ZNF599: variants seen among roughly 807,000 people sequenced by gnomAD.
ZNF599 encodes zinc finger protein 599.
ZNF599 carries 10 observed loss-of-function variants against 11.7 expected under a neutral mutation model. The observed-to-expected ratio is 0.86, with a 90% CI of 0.53 to 1.45. The LOEUF (loss-of-function observed/expected upper bound fraction) is 1.45, where lower values mean the gene tolerates loss of function less well. Among genes scored for constraint, ZNF599 ranks in the 40% most tolerant of loss-of-function variants. ZNF599 has a pLI of 0.00. For synonymous variants in ZNF599, 232 were observed against 253.2 expected (o/e 0.92, Z 0.79); for missense variants, 688 against 713.6 (o/e 0.96, Z 0.41).
At chr19:34,772,628 A>C in intron 1 of ZNF599, 196 bp downstream of exon 1, 1 of 1,376,262 alleles carries the variant, frequency 7.3e-7, no homozygotes, top group Non-Finnish European at 9.3e-7. Context: ...CTCTCCTTAC[A>C]ACTCCTGTCC....
chr19:34,778,918 A>AAAACATAC, the ZNF599 span, among the ~76,000 whole-genome samples: 688 of 152,358 alleles, frequency 4.5e-3, 5 homozygotes, highest in Non-Finnish European at 6.6e-3. Flanking sequence ...GGGTGGCAAA[A>AAAACATAC]AAACATACAA....
At chr19:34,761,352 A>C (rs1431024936) in intron 3 of ZNF599, among the ~76,000 whole-genome samples, 1 of 152,262 alleles carries the variant, frequency 6.6e-6, no homozygotes, top group East Asian at 1.9e-4. Context: ...GAGATTAATC[A>C]ATATAAAGTT....
chr19:34,779,432 A>C, the ZNF599 span: 1 of 455,728 alleles, frequency 2.2e-6, no homozygotes, highest in Non-Finnish European at 4.4e-6. Flanking sequence ...TACACTCATG[A>C]AAACTTTCAT....
rs985922997 is a variant in ZNF599 at position 34,760,634 on chromosome 19, G to A, written c.242-75C>T. 5 of 1,316,496 alleles carry A rather than the reference G, an allele frequency of 3.8e-6. No homozygotes were observed. In the Admixed American group the frequency reaches 1.3e-4, roughly 35 times the overall value. 81.6% of individuals were successfully genotyped at this position (1,316,496 alleles called of 1,614,324 possible). A position where few individuals can be genotyped will look rare whatever the true frequency, so the allele number is the denominator to read the frequency against. On this transcript the variant is annotated intron_variant, in intron 3 of 3. Transcript: ENST00000329285. ...AACAAACAAAATCACCACTTTAGCA[G>A]AAGAATGAAGGTGAAAACAGTGTCT...
At chr19:34,761,051 G>A (rs1422434488) in intron 3 of ZNF599, among the ~76,000 whole-genome samples, 3 of 152,078 alleles carry the variant, frequency 2.0e-5, no homozygotes, top group African/African-American at 4.8e-5. Flanking sequence ...GGGAAACTTC[G>A]GCAGATGAAA....
the ZNF599 span, among the ~76,000 whole-genome samples, chr19:34,781,487 A>G: frequency 3.9e-5 from 6 of 152,190 alleles, no homozygotes; most frequent in Non-Finnish European, 7.4e-5. Flanking sequence ...GTGGGAGAGA[A>G]CAGCCCCATC....
At chr19:34,804,689 T>C in the ZNF599 span, among the ~76,000 whole-genome samples, 10 of 152,200 alleles carry the variant, frequency 6.6e-5, no homozygotes, top group African/African-American at 2.2e-4. Flanking sequence ...AAAACTCCCA[T>C]ATACCCACTG....
chr19:34,758,710 G>C lies in ZNF599; in HGVS notation c.*324C>G, dbSNP rs1239407756. ...AAAATATGCTTGAGATGGATTTATA[G>C]TATTAATAAGAGGAAAGTTGTTCCT... On this transcript the variant is annotated 3_prime_UTR_variant, in exon 4 of 4. Coordinates refer to ENST00000329285, the MANE Select transcript of ZNF599 (RefSeq NM_001007248.3). The C allele has an allele frequency of 1.4e-5, 3 of 214,312 alleles. No individual in the cohort carries two copies. Among genetic ancestry groups the C allele is most frequent in the Admixed American group, 5.2e-5 (1 of 19,150 alleles). The allele number at this position is 214,312 out of a possible 1,614,324, so 13.3% of individuals were successfully genotyped here.
At chr19:34,781,238 G>GAGAA in the ZNF599 span, among the ~76,000 whole-genome samples, 2 of 151,482 alleles carry the variant, frequency 1.3e-5, no homozygotes, top group African/African-American at 2.4e-5. Flanking sequence ...AAGAAATAAA[G>GAGAA]AGAAAGAAAG....
In ZNF599 at chr19:34,767,216, C is replaced by T. The variant is rs1053240115; in HGVS notation, c.241+100G>A. On this transcript the variant is annotated intron_variant, in intron 3 of 3. Transcript: ENST00000329285. ...TGGGGTCAAGGGCTCCATGACTGCT[C>T]AAGACCACAAAATAGCTGCCCATGG... 9 of 895,066 alleles carry T rather than the reference C, an allele frequency of 1.0e-5. No individual in the cohort carries two copies. In the African/African-American group the frequency reaches 1.5e-4, roughly 15 times the overall value. The allele number at this position is 895,066 out of a possible 1,614,324, so 55.4% of individuals were successfully genotyped here.
chr19:34,805,747 C>T, the ZNF599 span, among the ~76,000 whole-genome samples: 1 of 152,166 alleles, frequency 6.6e-6, no homozygotes, highest in African/African-American at 2.4e-5. Flanking sequence ...TTGCTCCCAT[C>T]AACTCCAGAA....
Position 34,759,410 on chromosome 19 carries a change from G to C in ZNF599, c.1391C>G (p.Ser464Cys), listed in dbSNP as rs371238730. Residue 464 changes from serine to cysteine, a missense_variant, in exon 4 of 4, where the codon TCT becomes TGT. By Grantham distance (112) the Ser-to-Cys change is moderately radical. Coordinates refer to ENST00000329285, the MANE Select transcript of ZNF599 (RefSeq NM_001007248.3). Reference sequence around the variant, plus strand: ...GGTCCTATTATGTCGAATAAAAACAGAGTGGTGTGTAAAAGCCTTTCCACA... The same window carrying C: ...GGTCCTATTATGTCGAATAAAAACACAGTGGTGTGTAAAAGCCTTTCCACA... ...SECGKAFTHHSVFIRHNRTHS... is the reference protein window; with the variant it reads ...SECGKAFTHHCVFIRHNRTHS... The C allele has an allele frequency of 5.6e-6, 9 of 1,614,124 alleles. No homozygotes were observed. The highest frequency in any genetic ancestry group is 2.2e-5 in the East Asian group (1 of 44,882).
rs115997516 is a variant in ZNF599, at chr19:34,765,961, A to G, written c.241+1355T>C. Among the ~76,000 whole-genome samples, 1,464 of 152,286 alleles carry G rather than the reference A, an allele frequency of 9.6e-3. 14 individuals carry two copies. Among genetic ancestry groups the G allele is most frequent in the African/African-American group, 0.03 (1,228 of 41,556 alleles). ...AGACATGAGTGATGTGAAATGGTCA[A>G]GATTCGGGGATGGCTGGATATTGGG... On this transcript the variant is annotated intron_variant, in intron 3 of 3. Transcript: ENST00000329285.
At chr19:34,765,598 G>C (rs1288468524) in intron 3 of ZNF599, 2 of 702,966 alleles carry the variant, frequency 2.8e-6, no homozygotes, top group Non-Finnish European at 5.2e-6. Context: ...GGAGAAATTA[G>C]CCATGGCCAG....
intron 3 of ZNF599, among the ~76,000 whole-genome samples, chr19:34,761,805 G>A (rs1163926196): frequency 2.0e-5 from 3 of 152,154 alleles, no homozygotes; most frequent in East Asian, 3.8e-4. Flanking sequence ...TCAACTGTCA[G>A]AAGCTAAACA....
At chr19:34,787,402 T>C in the ZNF599 span, among the ~76,000 whole-genome samples, 258 of 152,346 alleles carry the variant, frequency 1.7e-3, 2 homozygotes, top group South Asian at 9.5e-3. Context: ...ACTGAAAGTT[T>C]TACAAGATAG....
In ZNF599 at chr19:34,772,954, G is replaced by C; in HGVS notation, c.-113C>G. On this transcript the variant is annotated 5_prime_UTR_variant, in exon 1 of 4. Coordinates refer to ENST00000329285, the MANE Select transcript of ZNF599 (RefSeq NM_001007248.3). Reference sequence around the variant, plus strand: ...GCGAGGGACCTCAGTCCCCGCCGTCGTGTAAAATGCACACAAGGTTCGCGG... The same window carrying C: ...GCGAGGGACCTCAGTCCCCGCCGTCCTGTAAAATGCACACAAGGTTCGCGG... 1 of 1,262,478 alleles carries C rather than the reference G, an allele frequency of 7.9e-7. No individual in the cohort carries two copies. Among genetic ancestry groups the C allele is most frequent in the South Asian group, 1.7e-5 (1 of 60,498 alleles). 78.2% of individuals were successfully genotyped at this position (1,262,478 alleles called of 1,614,324 possible).
chr19:34,798,335 G>A, the ZNF599 span, among the ~76,000 whole-genome samples: 1 of 152,172 alleles, frequency 6.6e-6, no homozygotes, highest in African/African-American at 2.4e-5. Flanking sequence ...GCAAAGAAAT[G>A]TATGTGTATA....
the ZNF599 span, among the ~76,000 whole-genome samples, chr19:34,801,244 G>C: frequency 6.6e-6 from 1 of 152,210 alleles, no homozygotes; most frequent in South Asian, 2.1e-4. Flanking sequence ...AATATCTGTT[G>C]CTCCTAAATT....
Sources: allele counts gnomAD v4.1 joint callset (sites outside exome capture counted in the v4.1 genomes callset), GRCh38; gene constraint gnomAD v4.1.1; transcripts MANE v1.5; gene names NCBI Gene and HGNC (gene_info 2026-07-23, HGNC 2026-07-21).